SPAG16: variants seen among roughly 807,000 people sequenced by gnomAD.
The protein encoded by SPAG16 is sperm associated antigen 16.
In SPAG16, 86 loss-of-function variants were observed where a neutral mutation model predicts 80.4. The ratio of observed to expected loss-of-function variants is 1.07; its 90% CI spans 0.90 to 1.28. The LOEUF is 1.28. SPAG16 is among the 50% of genes most tolerant of loss of function. The probability of loss-of-function intolerance (pLI) is 0.00; values close to 1 mark genes in which losing one functional copy is unlikely to be tolerated. For synonymous variants in SPAG16, 294 were observed against 265.9 expected (o/e 1.11, Z -1.03); for missense variants, 870 against 765.3 (o/e 1.14, Z -1.61).
chr2:213,681,973 G>T (rs185112393), intron 10 of SPAG16, among the ~76,000 whole-genome samples: 3 of 152,070 alleles, frequency 2.0e-5, no homozygotes, highest in African/African-American at 7.2e-5. Context: ...TCCCTTCAGC[G>T]TGAATCTGTT....
intron 11 of SPAG16, among the ~76,000 whole-genome samples, chr2:213,889,482 T>C (rs1318180370): frequency 6.6e-6 from 1 of 151,438 alleles, no homozygotes; most frequent in African/African-American, 2.4e-5. Context: ...GAAATAGTAA[T>C]GCTGACAACA....
At chr2:213,439,766 A>C (rs1490289845) in intron 9 of SPAG16, among the ~76,000 whole-genome samples, 2 of 152,368 alleles carry the variant, frequency 1.3e-5, no homozygotes, top group South Asian at 4.1e-4. Context: ...AAGAAATTGT[A>C]GATAAACTCA....
chr2:213,818,960 A>C (rs1820562), intron 10 of SPAG16, among the ~76,000 whole-genome samples: 91,882 of 152,046 alleles, frequency 0.6, 29,684 homozygotes, highest in South Asian at 0.86. Flanking sequence ...CTGTTTATAA[A>C]TTACCCAGTC....
chr2:214,003,105 T>C (rs1225585830), intron 12 of SPAG16, among the ~76,000 whole-genome samples: 2 of 152,112 alleles, frequency 1.3e-5, no homozygotes, highest in Non-Finnish European at 2.9e-5. Context: ...TTGCTGAATG[T>C]GAAGTTGGGA....
chr2:213,841,200 C>T (rs1413020918), intron 10 of SPAG16, among the ~76,000 whole-genome samples: 1 of 152,062 alleles, frequency 6.6e-6, no homozygotes, highest in African/African-American at 2.4e-5. Flanking sequence ...TCACAACCCA[C>T]CCCTAAAAAA....
rs2063428226 is a variant in SPAG16 at position 213,317,072 on chromosome 2, T to C, written c.399-147T>C. On this transcript the variant is annotated intron_variant, in intron 4 of 15. Transcript: ENST00000331683. ...TCATATTTTATTCTAAAATATATTA[T>C]GACTGTTGGACATTTTAACTTATAA... is the stretch of plus-strand genomic sequence containing the variant. 5 of 487,928 alleles carry C rather than the reference T, an allele frequency of 1.0e-5. No individual in the cohort carries two copies. The East Asian group carries it at 1.2e-4, about 12-fold the overall frequency. 30.2% of individuals were successfully genotyped at this position (487,928 alleles called of 1,614,324 possible).
At chr2:214,168,514 C>T (rs1253652368) in intron 15 of SPAG16, among the ~76,000 whole-genome samples, 2 of 152,032 alleles carry the variant, frequency 1.3e-5, no homozygotes, top group Non-Finnish European at 2.9e-5. Context: ...CATGCACACA[C>T]ACACACATTC....
intron 7 of SPAG16, among the ~76,000 whole-genome samples, chr2:213,353,267 A>G (rs1474624517): frequency 5.3e-5 from 8 of 152,202 alleles, no homozygotes; most frequent in Non-Finnish European, 7.3e-5. Context: ...CTGTGGCCTC[A>G]TTATCCTAAC....
chr2:214,142,383 A>G (rs1576334922), intron 14 of SPAG16, among the ~76,000 whole-genome samples: 1 of 152,302 alleles, frequency 6.6e-6, no homozygotes, highest in South Asian at 2.1e-4. Context: ...TATACAGATC[A>G]CTTTTATCTT....
intron 12 of SPAG16, among the ~76,000 whole-genome samples, chr2:213,988,471 T>G (rs2046125037): frequency 6.6e-6 from 1 of 152,004 alleles, no homozygotes; most frequent in African/African-American, 2.4e-5. Context: ...TGCTTTTAAA[T>G]TAAACAACAC....
At position 213,917,497 on chromosome 2, in the gene SPAG16, G is replaced by A. The variant is rs1042010027; in HGVS notation, c.1215-12463G>A. Among the ~76,000 whole-genome samples the A allele has an allele frequency of 2.6e-5, 4 of 152,202 alleles. No homozygotes were observed. The Middle Eastern group carries it at 0.01, about 388-fold the overall frequency. ...GTTGTAGAGACGTTTCATTTCCTGG[G>A]TTGGCTGTATTCCTAGGTATTTTAT... On this transcript the variant is annotated intron_variant, in intron 11 of 15. Transcript: ENST00000331683.
At chr2:213,987,789 A>G (rs573117004) in intron 12 of SPAG16, among the ~76,000 whole-genome samples, 3 of 148,654 alleles carry the variant, frequency 2.0e-5, no homozygotes, top group Non-Finnish European at 3.0e-5. Context: ...TAACAGAAAA[A>G]CTATATAATT....
At position 213,297,373 on chromosome 2, in the gene SPAG16, C is replaced by G. The variant is rs760353799; in HGVS notation, c.279+16C>G. On this transcript the variant is annotated intron_variant, in intron 3 of 15. Transcript: ENST00000331683. ...TGAAATTTTGGTGAGAATTTGAACA[C>G]TAGTGTAGTCTATAGTTTAGTGGTA... 1 of 1,485,320 alleles carries G rather than the reference C, an allele frequency of 6.7e-7. No individual in the cohort carries two copies. Among genetic ancestry groups the G allele is most frequent in the Non-Finnish European group, 9.3e-7 (1 of 1,072,532 alleles). The allele number at this position is 1,485,320 out of a possible 1,614,324, so 92.0% of individuals were successfully genotyped here. A position where few individuals can be genotyped will look rare whatever the true frequency, so the allele number is the denominator to read the frequency against.
chr2:213,945,895 A>G (rs898302989), intron 12 of SPAG16, among the ~76,000 whole-genome samples: 2 of 152,218 alleles, frequency 1.3e-5, no homozygotes, highest in African/African-American at 4.8e-5. Flanking sequence ...TGACTAAGAT[A>G]GCAACCGTTT....
At chr2:213,631,374 A>G (rs1015848205) in intron 10 of SPAG16, among the ~76,000 whole-genome samples, 6 of 152,194 alleles carry the variant, frequency 3.9e-5, no homozygotes, top group African/African-American at 1.4e-4. Flanking sequence ...ATTATGTTCC[A>G]TTGACCATTC....
chr2:213,933,328 TG>T (rs1389707408), intron 12 of SPAG16, among the ~76,000 whole-genome samples: 3 of 152,194 alleles, frequency 2.0e-5, no homozygotes, highest in Non-Finnish European at 4.4e-5. Context: ...ACTCAACCAT[TG>T]CCTTCAATGA....
At chr2:213,357,169 C>A (rs1057165024) in intron 7 of SPAG16, among the ~76,000 whole-genome samples, 2 of 152,072 alleles carry the variant, frequency 1.3e-5, no homozygotes, top group African/African-American at 2.4e-5. Context: ...GAGTGCTTTA[C>A]TTCCAATTAT....
At chr2:214,013,367 G>A (rs1037800805) in intron 12 of SPAG16, among the ~76,000 whole-genome samples, 6 of 152,028 alleles carry the variant, frequency 3.9e-5, no homozygotes, top group African/African-American at 1.4e-4. Flanking sequence ...TCTTCTAGCT[G>A]TTTTGTAATA....
At chr2:213,484,608 T>C (rs561157750) in intron 9 of SPAG16, among the ~76,000 whole-genome samples, 6 of 152,228 alleles carry the variant, frequency 3.9e-5, no homozygotes, top group Non-Finnish European at 8.8e-5. Context: ...ATAAAATCTC[T>C]TTTAATACGG....
Sources: gnomAD v4.1 joint callset for allele counts (sites outside exome capture counted in the v4.1 genomes callset) on GRCh38, gnomAD v4.1.1 for gene constraint, MANE v1.5 for transcripts, NCBI Gene and HGNC (gene_info 2026-07-23, HGNC 2026-07-21) for gene names.